PTPRG: variants seen among roughly 807,000 people sequenced by gnomAD.
PTPRG encodes protein tyrosine phosphatase receptor type G.
In PTPRG, 102 loss-of-function variants were observed where a neutral mutation model predicts 165.3. The ratio of observed to expected loss-of-function variants is 0.62; its 90% confidence interval spans 0.53 to 0.73. The LOEUF (loss-of-function observed/expected upper bound fraction) is 0.73. PTPRG is among the 30% of genes least tolerant of loss of function. PTPRG has a pLI of 0.00. For missense variants in PTPRG, 1,866 were observed against 1,861.4 expected (o/e 1.00, Z -0.05); for synonymous variants, 675 against 669.5 (o/e 1.01, Z -0.13).
At chr3:62,021,706 T>G (rs188310069) in intron 4 of PTPRG, among the ~76,000 whole-genome samples, 1 of 152,190 alleles carries the variant, frequency 6.6e-6, no homozygotes, top group Non-Finnish European at 1.5e-5. Flanking sequence ...TTTGATATTA[T>G]GTGATGTAGC....
At chr3:61,889,127 A>G (rs2038135483) in intron 2 of PTPRG, among the ~76,000 whole-genome samples, 1 of 152,134 alleles carries the variant, frequency 6.6e-6, no homozygotes, top group Non-Finnish European at 1.5e-5. Context: ...TTTTCATCGA[A>G]CCTTTACCCA....
chr3:62,099,087 G>T (rs561560982), intron 5 of PTPRG, among the ~76,000 whole-genome samples: 81 of 152,252 alleles, frequency 5.3e-4, no homozygotes, highest in Non-Finnish European at 1.0e-3. Context: ...TTTCTTATTT[G>T]CTCTTGAAAT....
chr3:62,099,793 CTT>C (rs759385441), intron 5 of PTPRG, among the ~76,000 whole-genome samples: 1,067 of 90,708 alleles, frequency 0.012, 4 homozygotes, highest in Middle Eastern at 0.057. Context: ...AGTGTTAAAT[CTT>C]TTTTTTTTTT....
intron 5 of PTPRG, among the ~76,000 whole-genome samples, chr3:62,109,689 G>C (rs1272523982): frequency 1.3e-5 from 2 of 152,096 alleles, no homozygotes; most frequent in Non-Finnish European, 2.9e-5. Flanking sequence ...TTGCTTAAGG[G>C]CCCTGTAGGC....
chr3:61,657,127 G>T (rs1222892935), intron 1 of PTPRG, among the ~76,000 whole-genome samples: 2 of 152,206 alleles, frequency 1.3e-5, no homozygotes, highest in Non-Finnish European at 2.9e-5. Context: ...GCCAAAGTAT[G>T]ATTGGAGGAC....
At chr3:61,749,149 A>T (rs1394916661) in intron 2 of PTPRG, 167 bp downstream of exon 2, 2 of 711,282 alleles carry the variant, frequency 2.8e-6, no homozygotes, top group Non-Finnish European at 2.5e-6. Context: ...CAAGGTTATA[A>T]GCACCTTAAT....
chr3:61,667,299 CT>C (rs1434535196), intron 1 of PTPRG, among the ~76,000 whole-genome samples: 1 of 152,126 alleles, frequency 6.6e-6, no homozygotes, highest in African/African-American at 2.4e-5. Flanking sequence ...ACATTTTCTG[CT>C]TTTAAGATGC....
intron 3 of PTPRG, among the ~76,000 whole-genome samples, chr3:61,994,833 C>G (rs979042648): frequency 6.6e-6 from 1 of 152,176 alleles, no homozygotes; most frequent in African/African-American, 2.4e-5. Flanking sequence ...GGATGTAGCT[C>G]TGCTGCTCTG....
At chr3:62,040,547 G>T (rs1374226279) in intron 4 of PTPRG, among the ~76,000 whole-genome samples, 1 of 152,208 alleles carries the variant, frequency 6.6e-6, no homozygotes, top group African/African-American at 2.4e-5. Context: ...TCCACCTCCA[G>T]GGTTCAAGCG....
intron 2 of PTPRG, among the ~76,000 whole-genome samples, chr3:61,835,080 T>A (rs1424969770): frequency 6.6e-6 from 1 of 152,192 alleles, no homozygotes. Flanking sequence ...AGATTCAGCA[T>A]CATAAATGTC....
rs117621159 is a variant in PTPRG, at chr3:61,574,664, A to G, written c.85+12292A>G. Reference sequence around the variant, plus strand: ...GTCTTAGTCCATTTTATGTTGCTGTAACATTATCTGAGACTGGGTAGTTTA... The same window carrying G: ...GTCTTAGTCCATTTTATGTTGCTGTGACATTATCTGAGACTGGGTAGTTTA... On this transcript the variant is annotated intron_variant, in intron 1 of 29. Coordinates refer to ENST00000474889, the MANE Select transcript of PTPRG (RefSeq NM_002841.4). Among the ~76,000 whole-genome samples, 46 of 152,320 alleles carry G rather than the reference A, an allele frequency of 3.0e-4. No individual in the cohort carries two copies. The East Asian group carries it at 8.7e-3, about 29-fold the overall frequency.
chr3:61,961,397 C>A (rs1010315859), intron 2 of PTPRG, among the ~76,000 whole-genome samples: 1 of 152,158 alleles, frequency 6.6e-6, no homozygotes, highest in African/African-American at 2.4e-5. Context: ...GACACACAGG[C>A]ATCTTAAAAT....
At chr3:62,250,615 C>T (rs1167980263) in intron 15 of PTPRG, among the ~76,000 whole-genome samples, 1 of 152,182 alleles carries the variant, frequency 6.6e-6, no homozygotes, top group Non-Finnish European at 1.5e-5. Flanking sequence ...TTGGTGATTT[C>T]CCTCTAACAG....
intron 1 of PTPRG, among the ~76,000 whole-genome samples, chr3:61,659,105 C>T (rs374856743): frequency 6.6e-6 from 1 of 152,258 alleles, no homozygotes; most frequent in African/African-American, 2.4e-5. Flanking sequence ...AGCAGACACA[C>T]CTTGGGGCCC....
intron 5 of PTPRG, among the ~76,000 whole-genome samples, chr3:62,112,014 T>C (rs1342638953): frequency 6.6e-6 from 1 of 152,152 alleles, no homozygotes; most frequent in Non-Finnish European, 1.5e-5. Context: ...ATGTGAGTTA[T>C]AGGAATTATG....
intron 2 of PTPRG, among the ~76,000 whole-genome samples, chr3:61,970,117 T>G (rs1017503130): frequency 1.1e-4 from 17 of 152,198 alleles, no homozygotes; most frequent in African/African-American, 4.1e-4. Context: ...ATGCCACTTT[T>G]TTGAACCATG....
At chr3:62,218,378 C>A (rs560123270) in intron 12 of PTPRG, among the ~76,000 whole-genome samples, 1 of 152,260 alleles carries the variant, frequency 6.6e-6, no homozygotes, top group African/African-American at 2.4e-5. Flanking sequence ...AGATGGCCAT[C>A]GTAGTCACAG....
rs377607099 is a variant in PTPRG, at chr3:62,062,109, GAC to G, written c.520-16053_520-16052del. 1.1e-3 allele frequency among the ~76,000 whole-genome samples: 161 copies of G among 152,014 alleles called. 1 individual carries two copies. The East Asian group carries it at 0.027, about 25-fold the overall frequency. Reference sequence around the variant, plus strand: ...GAGGTTGGGAGTTCGAGACCAGCCTGACCAACATGGAGAAACCCCATCTCTAC... The same window carrying G: ...GAGGTTGGGAGTTCGAGACCAGCCTGCAACATGGAGAAACCCCATCTCTAC... On this transcript the variant is annotated intron_variant, in intron 4 of 29. Coordinates refer to ENST00000474889, the MANE Select transcript of PTPRG (RefSeq NM_002841.4).
At chr3:62,064,503 C>CCT (rs1392144363) in intron 4 of PTPRG, among the ~76,000 whole-genome samples, 1 of 151,810 alleles carries the variant, frequency 6.6e-6, no homozygotes, top group Admixed American at 6.6e-5. Flanking sequence ...TCTTCCTTCC[C>CCT]CTCCGTAGGT....
Sources: allele counts gnomAD v4.1 joint callset (sites outside exome capture counted in the v4.1 genomes callset), GRCh38; gene constraint gnomAD v4.1.1; transcripts MANE v1.5; gene names NCBI Gene and HGNC (gene_info 2026-07-23, HGNC 2026-07-21).